The following PLCE1 variants were observed in gnomAD, a reference collection of about 807,000 sequenced individuals.
PLCE1 encodes the protein phospholipase C epsilon 1.
In PLCE1, 119 loss-of-function variants were observed where a neutral mutation model predicts 242.8. The observed-to-expected ratio is 0.49, with a 90% CI of 0.42 to 0.57. The LOEUF is 0.57. PLCE1 is among the 20% of genes least tolerant of loss of function. The pLI, the probability that PLCE1 is intolerant of heterozygous loss-of-function variation, is 0.00. For synonymous variants in PLCE1, 945 were observed against 1,017.4 expected, an observed-to-expected ratio of 0.93 and a Z score of 1.35; for missense variants, 2,441 against 2,788.8, an observed-to-expected ratio of 0.88 and a Z score of 2.81.
At chr10:94,054,722 C>T (rs2043855316) in intron 2 of PLCE1, among the ~76,000 whole-genome samples, 1 of 152,114 alleles carries the variant, frequency 6.6e-6, no homozygotes, top group Non-Finnish European at 1.5e-5. Flanking sequence ...AAGAAAAATG[C>T]CGTGTTCAGG....
chr10:94,261,385 G>T (rs1430316925), intron 13 of PLCE1, among the ~76,000 whole-genome samples: 1 of 152,124 alleles, frequency 6.6e-6, no homozygotes, highest in African/African-American at 2.4e-5. Flanking sequence ...ACTACAGTTT[G>T]TTTATCCATT....
chr10:94,124,100 G>A (rs1314471308), intron 2 of PLCE1, among the ~76,000 whole-genome samples: 7 of 152,164 alleles, frequency 4.6e-5, no homozygotes, highest in Admixed American at 4.6e-4. Context: ...CACTGAAGAA[G>A]GGGCTGGGTA....
At chr10:94,299,149 G>A (rs942832688) in intron 24 of PLCE1, among the ~76,000 whole-genome samples, 19 of 152,190 alleles carry the variant, frequency 1.2e-4, no homozygotes, top group African/African-American at 4.1e-4. Flanking sequence ...AGAGTAGCTA[G>A]CAAAAGGAAA....
intron 2 of PLCE1, among the ~76,000 whole-genome samples, chr10:94,078,272 T>TG (rs1464998402): frequency 6.6e-6 from 1 of 152,220 alleles, no homozygotes; most frequent in African/African-American, 2.4e-5. Context: ...TATAGTGATG[T>TG]GCAGCATTTA....
intron 29 of PLCE1, among the ~76,000 whole-genome samples, chr10:94,317,633 T>C (rs1407675692): frequency 1.3e-5 from 2 of 152,148 alleles, no homozygotes; most frequent in African/African-American, 4.8e-5. Context: ...ATATTACGTG[T>C]GCTAAGATTC....
intron 3 of PLCE1, among the ~76,000 whole-genome samples, chr10:94,133,220 G>A (rs2046663824): frequency 6.6e-6 from 1 of 152,158 alleles, no homozygotes; most frequent in Non-Finnish European, 1.5e-5. Context: ...AAAAGCCAAA[G>A]GCCATCTTCC....
At chr10:94,197,274 C>T (rs1298396608) in intron 4 of PLCE1, among the ~76,000 whole-genome samples, 1 of 152,070 alleles carries the variant, frequency 6.6e-6, no homozygotes, top group Non-Finnish European at 1.5e-5. Flanking sequence ...ACTTTTTGGC[C>T]ATTACAAATA....
intron 2 of PLCE1, among the ~76,000 whole-genome samples, chr10:94,077,079 C>G (rs145180785): frequency 1.3e-5 from 2 of 152,160 alleles, no homozygotes; most frequent in African/African-American, 4.8e-5. Flanking sequence ...TATATCTCAT[C>G]GAAATAAAAC....
chr10:94,055,011 CAAAA>C (rs71306823), intron 2 of PLCE1, among the ~76,000 whole-genome samples: 2 of 91,200 alleles, frequency 2.2e-5, no homozygotes, highest in Admixed American at 1.3e-4. Flanking sequence ...GACTCCATCT[CAAAA>C]AAAAAAAAAA....
At chr10:94,166,587 T>C (rs1221973900) in intron 3 of PLCE1, among the ~76,000 whole-genome samples, 2 of 148,082 alleles carry the variant, frequency 1.4e-5, no homozygotes, top group African/African-American at 2.6e-5. Flanking sequence ...AAGGTGTGTG[T>C]GTGTGTGTGT....
Position 94,029,622 on chromosome 10 carries a change from G to A in PLCE1, c.-364-1061G>A, listed in dbSNP as rs190832201. Among the ~76,000 whole-genome samples, 50 of 152,210 alleles carry A rather than the reference G, an allele frequency of 3.3e-4. 1 individual carries two copies. The highest frequency in any genetic ancestry group is 2.9e-3 in the Admixed American group (45 of 15,274). The stretch of plus-strand genomic sequence containing the variant: ...TTCTAGGGTTTCCAGTGATTTTTCA[G>A]AGTAGTTGTAGAGACATGAATATAC... On this transcript the variant is annotated intron_variant, in intron 1 of 32. Transcript: ENST00000371380.
chr10:94,149,545 TC>T lies in PLCE1; in HGVS notation c.1492+17087del, dbSNP rs551030961. 1.2e-3 allele frequency among the ~76,000 whole-genome samples: 190 copies of T among 152,322 alleles called. 1 individual carries two copies. Among genetic ancestry groups the T allele is most frequent in the South Asian group, 2.1e-3 (10 of 4,826 alleles). Reference sequence around the variant, plus strand: ...GTGTGGTCCCAGAACCATCAGAATCTCAAGCCTCACCTGAGACTTTGGGTCA... The same window carrying T: ...GTGTGGTCCCAGAACCATCAGAATCTAAGCCTCACCTGAGACTTTGGGTCA... On this transcript the variant is annotated intron_variant, in intron 3 of 32. Transcript: ENST00000371380.
chr10:94,023,424 C>T (rs1170722717), intron 1 of PLCE1, among the ~76,000 whole-genome samples: 2 of 151,900 alleles, frequency 1.3e-5, no homozygotes, highest in Non-Finnish European at 2.9e-5. Context: ...TTGTGCATGC[C>T]TGCACACACA....
At chr10:94,308,198 TAACC>T (rs2133665353) in intron 26 of PLCE1, among the ~76,000 whole-genome samples, 1 of 152,356 alleles carries the variant, frequency 6.6e-6, no homozygotes, top group African/African-American at 2.4e-5. Context: ...CCATAAATTA[TAACC>T]AATCTTCCAT....
chr10:94,189,930 C>T (rs2048606100), intron 4 of PLCE1, among the ~76,000 whole-genome samples: 1 of 152,226 alleles, frequency 6.6e-6, no homozygotes, highest in Non-Finnish European at 1.5e-5. Flanking sequence ...GGCCAAATTA[C>T]TTCCCTGAGC....
intron 2 of PLCE1, among the ~76,000 whole-genome samples, chr10:94,035,477 G>A (rs1310188213): frequency 6.6e-6 from 1 of 152,162 alleles, no homozygotes; most frequent in Non-Finnish European, 1.5e-5. Flanking sequence ...GATGCAAATT[G>A]TCTCTTCCCT....
intron 4 of PLCE1, among the ~76,000 whole-genome samples, chr10:94,193,303 T>G (rs1439733818): frequency 6.6e-6 from 1 of 152,128 alleles, no homozygotes; most frequent in Non-Finnish European, 1.5e-5. Flanking sequence ...ATGTAGGTAA[T>G]GGATTAGGTA....
In PLCE1 at chr10:94,294,011, G is replaced by T. The variant is rs778936143; in HGVS notation, c.5167+372G>T. Among the ~76,000 whole-genome samples the T allele has an allele frequency of 1.5e-3, 236 of 152,260 alleles. 1 individual carries two copies. Among genetic ancestry groups the T allele is most frequent in the Non-Finnish European group, 5.9e-4 (40 of 68,030 alleles). ...AATCCCAGCTACTAGGGAGGCTGAG[G>T]CAAGAGAATCGCTTAAGCCCGGAAG... On this transcript the variant is annotated intron_variant, in intron 23 of 32. Coordinates refer to ENST00000371380, the MANE Select transcript of PLCE1 (RefSeq NM_016341.4).
intron 3 of PLCE1, among the ~76,000 whole-genome samples, chr10:94,164,469 C>A (rs973735541): frequency 6.6e-6 from 1 of 152,218 alleles, no homozygotes; most frequent in African/African-American, 2.4e-5. Flanking sequence ...GTGCATTCAT[C>A]ACGTAGTTCT....
Sources: allele counts gnomAD v4.1 joint callset (sites outside exome capture counted in the v4.1 genomes callset), GRCh38; gene constraint gnomAD v4.1.1; transcripts MANE v1.5; gene names NCBI Gene and HGNC (gene_info 2026-07-23, HGNC 2026-07-21).